Variants in NBPF14 observed in about 807,000 individuals in gnomAD.
NBPF14 encodes the protein NBPF family member NBPF14.
NBPF14 carries 104 observed loss-of-function variants against 91.2 expected under a neutral mutation model. The observed-to-expected ratio is 1.14, with a 90% CI of 0.97 to 1.34. The LOEUF (loss-of-function observed/expected upper bound fraction) is 1.34, where lower values mean the gene tolerates loss of function less well. Among genes scored for constraint, NBPF14 ranks in the 40% most tolerant of loss-of-function variants. The probability of loss-of-function intolerance (pLI) is 0.00; values close to 1 mark genes in which losing one functional copy is unlikely to be tolerated. For missense variants in NBPF14, 908 were observed against 783.0 expected, an observed-to-expected ratio of 1.16 and a Z score of -1.91; for synonymous variants, 294 against 303.8, an observed-to-expected ratio of 0.97 and a Z score of 0.34.
chr1:148,580,920 C>T (rs1372168240), intron 12 of NBPF14, among the ~76,000 whole-genome samples: 1 of 102,606 alleles, frequency 9.7e-6, no homozygotes, highest in African/African-American at 4.0e-5. Flanking sequence ...AGGTTAGTTA[C>T]ATATGTATAC....
chr1:148,559,725 G>T, intron 37 of NBPF14, 68 bp downstream of exon 37: 2 of 826,572 alleles, frequency 2.4e-6, no homozygotes, highest in Non-Finnish European at 3.9e-6. Context: ...AGGGCCACTT[G>T]CAGTAGGAAT....
chr1:148,560,460 C>G (rs1657656965), intron 36 of NBPF14, 124 bp downstream of exon 36: 1 of 328,308 alleles, frequency 3.0e-6, no homozygotes, highest in East Asian at 7.0e-5. Flanking sequence ...AAACCAACAG[C>G]AATGACAGTA....
chr1:148,577,711 TG>T (rs1226971432), intron 14 of NBPF14, among the ~76,000 whole-genome samples: 3 of 144,812 alleles, frequency 2.1e-5, no homozygotes, highest in Non-Finnish European at 3.0e-5. Context: ...TCAATAATTT[TG>T]CATAAAATGT....
intron 5 of NBPF14, among the ~76,000 whole-genome samples, chr1:148,591,197 T>C (rs1662409441): frequency 6.8e-6 from 1 of 147,214 alleles, no homozygotes; most frequent in African/African-American, 2.5e-5. Flanking sequence ...ACTGAACAGA[T>C]AGGAGCTGAG....
chr1:148,590,247 TG>T, intron 6 of NBPF14, among the ~76,000 whole-genome samples: 1 of 135,762 alleles, frequency 7.4e-6, no homozygotes, highest in East Asian at 2.0e-4. Context: ...TTAGTAAAGA[TG>T]GGGTTTCACC....
Position 148,578,890 on chromosome 1 carries a change from A to C in NBPF14, c.1801+184T>G, listed in dbSNP as rs1190011359. Among the ~76,000 whole-genome samples, 5 of 148,610 alleles carry C rather than the reference A, an allele frequency of 3.4e-5. 1 individual carries two copies. Among genetic ancestry groups the C allele is most frequent in the East Asian group, 2.0e-4 (1 of 5,030 alleles). ...TGAGACTAGGAAGAGAGTAAAGCTC[A>C]CTGACCCACCCCATGCCTGTGCTTC... On this transcript the variant is annotated intron_variant, in intron 13 of 70. Coordinates refer to ENST00000619423, the Ensembl canonical transcript of NBPF14.
At chr1:148,560,393 A>G (rs1657632234) in intron 36 of NBPF14, among the ~76,000 whole-genome samples, 191 bp downstream of exon 36, 1 of 132,696 alleles carries the variant, frequency 7.5e-6, no homozygotes, top group African/African-American at 3.4e-5. Context: ...AACCTATGGT[A>G]CGTTAGGAAA....
At chr1:148,593,869 T>A (rs1236043212) in intron 2 of NBPF14, among the ~76,000 whole-genome samples, 169 bp from the exon 3 acceptor site, 1 of 149,478 alleles carries the variant, frequency 6.7e-6, no homozygotes, top group Non-Finnish European at 1.5e-5. Context: ...CTTTCTGGCA[T>A]CTGATCCTCC....
At chr1:148,584,954 T>C (rs1482683421) in intron 10 of NBPF14, among the ~76,000 whole-genome samples, 187 bp downstream of exon 10, 2 of 147,838 alleles carry the variant, frequency 1.4e-5, no homozygotes, top group Non-Finnish European at 3.0e-5. Flanking sequence ...GGTGCAGACA[T>C]GACACTCAGC....
chr1:148,578,138 G>C lies in NBPF14; in HGVS notation c.1802-104C>G, dbSNP rs1329510708. On this transcript the variant is annotated intron_variant, in intron 13 of 70. Transcript: ENST00000619423. ...ACAGGGACATCAGTCTTGTCAGTGT[G>C]AGAACAGGAGACTTTGAGAGAAATA... 17 of 734,014 alleles carry C rather than the reference G, an allele frequency of 2.3e-5. No homozygotes were observed. The South Asian group carries it at 2.5e-4, about 11-fold the overall frequency. 45.5% of individuals were successfully genotyped at this position (734,014 alleles called of 1,614,324 possible).
exon 17 of NBPF14, chr1:148,575,645 C>T (rs1659577901): frequency 1.1e-5 from 2 of 175,146 alleles, no homozygotes; most frequent in South Asian, 2.8e-5. Flanking sequence ...TCACTGTCCA[C>T]GTCAAGAGCC....
At chr1:148,591,442 A>G in exon 5 of NBPF14, 1 of 1,607,122 alleles carries the variant, frequency 6.2e-7, no homozygotes, top group Non-Finnish European at 8.5e-7. Context: ...CTGGGGGCAG[A>G]TGATTCCAGT....
chr1:148,566,578 T>C (rs1177449501), intron 28 of NBPF14, among the ~76,000 whole-genome samples: 1 of 142,360 alleles, frequency 7.0e-6, no homozygotes, highest in African/African-American at 2.5e-5. Flanking sequence ...GCTCAGTGAA[T>C]TGTCCAGGTG....
At chr1:148,590,150 G>A (rs1425550922) in intron 6 of NBPF14, among the ~76,000 whole-genome samples, 1 of 137,516 alleles carries the variant, frequency 7.3e-6, no homozygotes, top group Non-Finnish European at 1.6e-5. Flanking sequence ...CTGGGTTCAT[G>A]CCAATTCTCC....
chr1:148,533,393 C>T (rs1221915302), intron 70 of NBPF14, 145 bp from the exon 71 acceptor site: 5 of 586,526 alleles, frequency 8.5e-6, no homozygotes, highest in South Asian at 2.1e-5. Context: ...AATTTATTGC[C>T]TTTATGTTGG....
At chr1:148,593,409 A>T (rs1662820599) in intron 3 of NBPF14, among the ~76,000 whole-genome samples, 189 bp downstream of exon 3, 1 of 148,458 alleles carries the variant, frequency 6.7e-6, no homozygotes, top group African/African-American at 2.5e-5. Flanking sequence ...CAAGGCTCTA[A>T]GAAACAACTG....
chr1:148,534,212 A>C (rs1236322878), intron 69 of NBPF14, among the ~76,000 whole-genome samples: 6 of 150,876 alleles, frequency 4.0e-5, no homozygotes, highest in Non-Finnish European at 7.4e-5. Flanking sequence ...ATTTGTCCCA[A>C]GTTTCTGCAA....
chr1:148,566,446 A>G, intron 28 of NBPF14, 131 bp from the exon 29 acceptor site: 3 of 601,050 alleles, frequency 5.0e-6, no homozygotes, highest in Middle Eastern at 4.5e-4. Context: ...TGAGGTAACA[A>G]ATTGTTGCCT....
intron 16 of NBPF14, among the ~76,000 whole-genome samples, chr1:148,576,043 G>T (rs1659647114): frequency 6.8e-6 from 1 of 147,722 alleles, no homozygotes; most frequent in African/African-American, 2.5e-5. Context: ...AGTGAGCTCA[G>T]CGAATTGGCC....
Sources: allele counts gnomAD v4.1 joint callset (sites outside exome capture counted in the v4.1 genomes callset), GRCh38; gene constraint gnomAD v4.1.1; transcripts MANE v1.5; gene names NCBI Gene and HGNC (gene_info 2026-07-23, HGNC 2026-07-21).